Variants in ARID4B observed in about 807,000 individuals in gnomAD.
ARID4B encodes the protein AT-rich interaction domain 4B, also known as AT-rich interactive domain-containing protein 4B.
A neutral mutation model predicts 147.5 loss-of-function variants in ARID4B; 26 were observed. That is an observed-to-expected ratio of 0.18 (90% CI 0.13 to 0.24). The LOEUF (loss-of-function observed/expected upper bound fraction) is 0.24. Among genes scored for constraint, ARID4B ranks in the 10% least tolerant of loss-of-function variants. The pLI is 1.00. For missense variants in ARID4B, 1,179 were observed against 1,511.5 expected (o/e 0.78, Z 3.65); for synonymous variants, 512 against 507.9 (o/e 1.01, Z -0.11).
intron 2 of ARID4B, among the ~76,000 whole-genome samples, chr1:235,310,499 C>G (rs1018269795): frequency 1.3e-5 from 2 of 152,318 alleles, no homozygotes; most frequent in African/African-American, 4.8e-5. Context: ...AAAAATGTTG[C>G]TGACCTGCCT....
chr1:235,244,566 ACT>A (rs1002643632), intron 7 of ARID4B, among the ~76,000 whole-genome samples: 1 of 152,104 alleles, frequency 6.6e-6, no homozygotes, highest in African/African-American at 2.4e-5. Context: ...ATATACTGAA[ACT>A]CAATTTAATG....
chr1:235,181,654 G>A lies in ARID4B; in HGVS notation c.3265C>T (p.Pro1089Ser). The change falls in exon 20 of 24, where the codon CCA (proline) becomes TCA (serine). Residue 1089 changes from proline (P) to serine (S), a missense_variant. Physicochemically the swap from Pro to Ser is moderately conservative, Grantham distance 74. Transcript: ENST00000264183. ...QDLQSEGNSS[P>S]AGFDASVSSS... The stretch of plus-strand genomic sequence containing the variant: ...CTCACACTGGCATCAAAACCTGCTG[G>A]CGAGCTATTCCCTTCAGACTGGAGG... 4.3e-6 allele frequency: 7 copies of A among 1,613,942 alleles called. No homozygotes were observed. Among genetic ancestry groups the A allele is most frequent in the Non-Finnish European group, 5.9e-6 (7 of 1,180,026 alleles).
At chr1:235,299,651 A>G (rs1490757033) in intron 2 of ARID4B, among the ~76,000 whole-genome samples, 1 of 152,238 alleles carries the variant, frequency 6.6e-6, no homozygotes, top group Non-Finnish European at 1.5e-5. Flanking sequence ...TAATGGTATC[A>G]TTTGAGATCT....
At chr1:235,251,626 A>G (rs1327483194) in intron 6 of ARID4B, among the ~76,000 whole-genome samples, 2 of 152,072 alleles carry the variant, frequency 1.3e-5, no homozygotes, top group Non-Finnish European at 2.9e-5. Flanking sequence ...TGTTTAAGTA[A>G]TAACACTACT....
At position 235,215,043 on chromosome 1, in the gene ARID4B, C is replaced by T. The variant is rs1218226489; in HGVS notation, c.1584-1017G>A. Among the ~76,000 whole-genome samples the T allele has an allele frequency of 2.0e-5, 3 of 151,918 alleles. No homozygotes were observed. In the South Asian group the frequency reaches 6.2e-4, roughly 32 times the overall value. ...TATTTTTAGTAGTGACAGGGTTTCA[C>T]CATGTTGGTCAGGCTGGTCTCAAAC... On this transcript the variant is annotated intron_variant, in intron 16 of 23. Coordinates refer to ENST00000264183, the MANE Select transcript of ARID4B (RefSeq NM_016374.6).
chr1:235,295,995 C>T (rs936110120), intron 2 of ARID4B: 7 of 154,796 alleles, frequency 4.5e-5, no homozygotes, highest in African/African-American at 1.2e-4. Context: ...AAGATCTTCA[C>T]GTCACCCACC....
At chr1:235,324,196 C>G (rs1675052403) in intron 2 of ARID4B, among the ~76,000 whole-genome samples, 1 of 152,136 alleles carries the variant, frequency 6.6e-6, no homozygotes, top group Admixed American at 6.5e-5. Context: ...CGTGAGCCAC[C>G]ATGCCCAGCC....
chr1:235,293,811 A>C (rs1672495300), intron 2 of ARID4B, among the ~76,000 whole-genome samples: 1 of 150,644 alleles, frequency 6.6e-6, no homozygotes, highest in Non-Finnish European at 1.5e-5. Context: ...GGCATTAAGC[A>C]AAAAATATAT....
intron 2 of ARID4B, among the ~76,000 whole-genome samples, chr1:235,272,818 TA>T (rs1319146516): frequency 8.2e-6 from 1 of 121,710 alleles, no homozygotes; most frequent in Non-Finnish European, 1.9e-5. Context: ...ATGTCTATAT[TA>T]ATTTATTATT....
intron 6 of ARID4B, among the ~76,000 whole-genome samples, chr1:235,252,246 G>A (rs1669690703): frequency 6.6e-6 from 1 of 152,126 alleles, no homozygotes; most frequent in African/African-American, 2.4e-5. Flanking sequence ...TGATGTTAGG[G>A]AATAAGACCT....
chr1:235,296,514 C>T (rs1230539192), intron 2 of ARID4B, among the ~76,000 whole-genome samples: 1 of 151,760 alleles, frequency 6.6e-6, no homozygotes, highest in Non-Finnish European at 1.5e-5. Context: ...CTCTATCACC[C>T]AGGCTAGGGT....
intron 7 of ARID4B, among the ~76,000 whole-genome samples, chr1:235,241,258 A>G (rs1177436087): frequency 6.6e-6 from 1 of 152,196 alleles, no homozygotes; most frequent in Non-Finnish European, 1.5e-5. Context: ...GGACAACAAC[A>G]TATGTCCTTT....
chr1:235,269,833 A>C (rs1226179471), intron 2 of ARID4B, among the ~76,000 whole-genome samples: 1 of 152,158 alleles, frequency 6.6e-6, no homozygotes, highest in African/African-American at 2.4e-5. Flanking sequence ...AAAATAAATT[A>C]TTTTGTAAAG....
rs560294009 is a variant in ARID4B, at chr1:235,169,649, C to T, written c.3812-997G>A. On this transcript the variant is annotated intron_variant, in intron 23 of 23. Transcript: ENST00000264183. ...CTTCCAGGTTCACGCCATTCTCCTG[C>T]CTCAGCCTCCTTTTTTTTTTTTTTC... 4.7e-4 allele frequency among the ~76,000 whole-genome samples: 71 copies of T among 151,474 alleles called. 1 individual carries two copies. The South Asian group carries it at 0.014, about 29-fold the overall frequency.
intron 2 of ARID4B, among the ~76,000 whole-genome samples, chr1:235,295,674 G>A (rs907444939): frequency 2.0e-5 from 3 of 151,948 alleles, no homozygotes; most frequent in African/African-American, 7.3e-5. Flanking sequence ...GCCAGGCATG[G>A]TGGAGGGTGC....
rs761440560 is a variant in ARID4B at position 235,234,394 on chromosome 1, C to T, written c.665+19G>A. 2.0e-6 allele frequency: 3 copies of T among 1,527,892 alleles called. No individual in the cohort carries two copies. Among genetic ancestry groups the T allele is most frequent in the East Asian group, 2.3e-5 (1 of 44,218 alleles). 94.6% of individuals were successfully genotyped at this position (1,527,892 alleles called of 1,614,324 possible). ...TATATTTATAAACTGGTTTTTCAAA[C>T]CAAGTAAATTATACTTACAATTTTC... On this transcript the variant is annotated intron_variant, in intron 9 of 23. Coordinates refer to ENST00000264183, the MANE Select transcript of ARID4B (RefSeq NM_016374.6).
intron 19 of ARID4B, among the ~76,000 whole-genome samples, chr1:235,190,688 C>T (rs1392068458): frequency 6.6e-6 from 1 of 152,122 alleles, no homozygotes; most frequent in Admixed American, 6.5e-5. Context: ...TAAATGCAGC[C>T]AATCTCTAAA....
chr1:235,312,780 C>CT (rs1166842269), intron 2 of ARID4B, among the ~76,000 whole-genome samples: 1 of 152,148 alleles, frequency 6.6e-6, no homozygotes, highest in East Asian at 1.9e-4. Context: ...TGAGACCACC[C>CT]TAGGTAACAT....
intron 2 of ARID4B, among the ~76,000 whole-genome samples, chr1:235,265,817 C>T (rs1334894276): frequency 6.6e-6 from 1 of 152,082 alleles, no homozygotes; most frequent in Non-Finnish European, 1.5e-5. Context: ...CCTCAGCATA[C>T]AATAACAGTT....
Sources: allele counts gnomAD v4.1 joint callset (sites outside exome capture counted in the v4.1 genomes callset), GRCh38; gene constraint gnomAD v4.1.1; transcripts MANE v1.5; gene names NCBI Gene and HGNC (gene_info 2026-07-23, HGNC 2026-07-21).